NRIP1: variants seen among roughly 807,000 people sequenced by gnomAD.
NRIP1 encodes nuclear receptor-interacting protein 1.
A neutral mutation model predicts 75.0 loss-of-function variants in NRIP1; 28 were observed. The observed-to-expected ratio is 0.37, with a 90% CI of 0.28 to 0.51. The LOEUF (loss-of-function observed/expected upper bound fraction) is 0.51. Among genes scored for constraint, NRIP1 ranks in the 20% least tolerant of loss-of-function variants. NRIP1 has a pLI of 0.92. For synonymous variants in NRIP1, 526 were observed against 487.6 expected, an observed-to-expected ratio of 1.08 and a Z score of -1.04; for missense variants, 1,435 against 1,343.7, an observed-to-expected ratio of 1.07 and a Z score of -1.06.
chr21:14,988,438 TAG>T (rs1406923409), intron 3 of NRIP1, among the ~76,000 whole-genome samples: 2 of 147,804 alleles, frequency 1.4e-5, no homozygotes, highest in Non-Finnish European at 3.0e-5. Flanking sequence ...GATAGATAGA[TAG>T]ATAGATAGAT....
rs1306993669 is a variant in NRIP1, at chr21:14,965,009, T to A, written c.3184A>T (p.Thr1062Ser). Residue 1062 changes from threonine to serine, a missense_variant, in exon 4 of 4, where the codon ACC becomes TCC. By Grantham distance (58) the Thr-to-Ser change is moderately conservative. Transcript: ENST00000318948. Reference sequence around the variant, plus strand: ...TAATATAGTATTGGGTTGGTTTTGGTCAATCTTGGAGAGTCTTTTTCATAC... The same window carrying A: ...TAATATAGTATTGGGTTGGTTTTGGACAATCTTGGAGAGTCTTTTTCATAC... ...NEYEKDSPRLTKTNPILYYML... is the reference protein window; with the variant it reads ...NEYEKDSPRLSKTNPILYYML... 3 of 1,613,982 alleles carry A rather than the reference T, an allele frequency of 1.9e-6. No individual in the cohort carries two copies. Among genetic ancestry groups the A allele is most frequent in the Non-Finnish European group, 2.5e-6 (3 of 1,179,924 alleles).
intron 2 of NRIP1, among the ~76,000 whole-genome samples, chr21:15,028,445 T>A (rs762186018): frequency 1.3e-4 from 20 of 152,186 alleles, no homozygotes; most frequent in Non-Finnish European, 2.8e-4. Context: ...TTTAGAAGGA[T>A]CATTGCTTCA....
At chr21:15,023,928 G>A (rs750430929) in intron 2 of NRIP1, among the ~76,000 whole-genome samples, 64 of 152,188 alleles carry the variant, frequency 4.2e-4, no homozygotes, top group Admixed American at 4.6e-4. Context: ...CCAGAGAACG[G>A]AGACATCATT....
chr21:15,048,095 G>T (rs2089125715), intron 1 of NRIP1, among the ~76,000 whole-genome samples: 1 of 152,176 alleles, frequency 6.6e-6, no homozygotes. Flanking sequence ...TTCGCCGGCT[G>T]ATATGGGCAC....
At chr21:15,010,502 A>G (rs1400293037) in intron 3 of NRIP1, among the ~76,000 whole-genome samples, 1 of 152,236 alleles carries the variant, frequency 6.6e-6, no homozygotes, top group African/African-American at 2.4e-5. Flanking sequence ...AACGTAAGTT[A>G]TATCAATTAA....
chr21:14,967,511 T>G lies in NRIP1; in HGVS notation c.682A>C (p.Lys228Gln). The G allele has an allele frequency of 6.2e-7, 1 of 1,614,176 alleles. No individual in the cohort carries two copies. The highest frequency in any genetic ancestry group is 1.3e-5 in the African/African-American group (1 of 75,048). ...SPHHVGQSGTKVMSEPLSCAA... is the reference protein window; with the variant it reads ...SPHHVGQSGTQVMSEPLSCAA... ...CATGACAACGGTTCACTCATGACCT[T>G]TGTTCCACTTTGTCCAACATGATGA... Residue 228 changes from lysine (K) to glutamine (Q), a missense_variant, in exon 4 of 4, where the codon AAG (lysine) becomes CAG (glutamine). By Grantham distance (53) the Lys-to-Gln change is moderately conservative. Transcript: ENST00000318948.
At chr21:14,976,870 T>A (rs1393075334) in intron 3 of NRIP1, among the ~76,000 whole-genome samples, 5 of 152,202 alleles carry the variant, frequency 3.3e-5, no homozygotes, top group Admixed American at 3.3e-4. Flanking sequence ...TGATTAAACA[T>A]CTACGAGTTC....
intron 2 of NRIP1, among the ~76,000 whole-genome samples, chr21:15,032,907 T>C: frequency 6.6e-6 from 1 of 152,176 alleles, no homozygotes; most frequent in East Asian, 1.9e-4. Flanking sequence ...TTCTTTTAAA[T>C]AATGGGCCAC....
intron 1 of NRIP1, among the ~76,000 whole-genome samples, chr21:15,049,790 T>C (rs1450487961): frequency 2.6e-5 from 4 of 152,096 alleles, no homozygotes; most frequent in Non-Finnish European, 5.9e-5. Context: ...TATTATAAAA[T>C]TCATGCTTCT....
At chr21:15,004,705 TA>T in intron 3 of NRIP1, among the ~76,000 whole-genome samples, 1 of 152,340 alleles carries the variant, frequency 6.6e-6, no homozygotes, top group South Asian at 2.1e-4. Context: ...TAACTAAGAT[TA>T]ATTTTTTTTC....
At chr21:15,054,427 T>G (rs1169838763) in intron 1 of NRIP1, among the ~76,000 whole-genome samples, 1 of 152,146 alleles carries the variant, frequency 6.6e-6, no homozygotes, top group African/African-American at 2.4e-5. Context: ...CTAATATAAT[T>G]TGCGTATTAC....
At chr21:14,983,135 CTTA>C (rs2087292035) in intron 3 of NRIP1, among the ~76,000 whole-genome samples, 1 of 151,518 alleles carries the variant, frequency 6.6e-6, no homozygotes, top group Admixed American at 6.6e-5. Context: ...AATGATTAAG[CTTA>C]GTGAGGAAGG....
intron 2 of NRIP1, among the ~76,000 whole-genome samples, chr21:15,016,569 C>T (rs1000416929): frequency 1.3e-5 from 2 of 152,020 alleles, no homozygotes; most frequent in African/African-American, 4.8e-5. Context: ...AAAGTTGGAA[C>T]AAGAAAGTAC....
intron 2 of NRIP1, among the ~76,000 whole-genome samples, chr21:15,036,897 A>G (rs959862756): frequency 6.6e-5 from 10 of 152,202 alleles, no homozygotes; most frequent in African/African-American, 2.4e-4. Context: ...AATTTTGGGA[A>G]GTTAACAAAA....
Position 14,963,925 on chromosome 21 carries a change from G to A in NRIP1, c.*791C>T, listed in dbSNP as rs1004305958. ...ATTTCTTAAATATTCAACTTTTCAG[G>A]AAACCACCTAAAGATAAATGTTAAC... On this transcript the variant is annotated 3_prime_UTR_variant, in exon 4 of 4. Coordinates refer to ENST00000318948, the MANE Select transcript of NRIP1 (RefSeq NM_003489.4). The A allele has an allele frequency of 6.6e-6, 1 of 152,502 alleles. No homozygotes were observed. Among genetic ancestry groups the A allele is most frequent in the Non-Finnish European group, 1.5e-5 (1 of 68,010 alleles). The allele number at this position is 152,502 out of a possible 1,614,324, so 9.4% of individuals were successfully genotyped here.
At chr21:15,023,087 C>G (rs1457839276) in intron 2 of NRIP1, among the ~76,000 whole-genome samples, 1 of 152,162 alleles carries the variant, frequency 6.6e-6, no homozygotes, top group African/African-American at 2.4e-5. Context: ...TGGAGAGTGA[C>G]AGCTAACAGG....
intron 3 of NRIP1, chr21:14,992,659 G>C (rs1039752299): frequency 2.0e-5 from 3 of 151,890 alleles, no homozygotes; most frequent in Non-Finnish European, 2.9e-5. Flanking sequence ...AATACTCCTA[G>C]GAAGTGACAC....
chr21:15,032,738 C>G (rs1039144838), intron 2 of NRIP1, among the ~76,000 whole-genome samples: 1 of 152,184 alleles, frequency 6.6e-6, no homozygotes, highest in African/African-American at 2.4e-5. Flanking sequence ...CTGCTCTCCC[C>G]TGGTCACACT....
At chr21:15,017,206 G>C (rs937736464) in intron 2 of NRIP1, among the ~76,000 whole-genome samples, 2 of 152,024 alleles carry the variant, frequency 1.3e-5, no homozygotes, top group African/African-American at 2.4e-5. Flanking sequence ...ATCTCTAGAG[G>C]AACATTACTA....
Sources: allele counts gnomAD v4.1 joint callset (sites outside exome capture counted in the v4.1 genomes callset), GRCh38; gene constraint gnomAD v4.1.1; transcripts MANE v1.5; gene names NCBI Gene and HGNC (gene_info 2026-07-23, HGNC 2026-07-21).